The following TRPV3 variants were observed in gnomAD, a reference collection of about 807,000 sequenced individuals.
The protein encoded by TRPV3 is transient receptor potential cation channel subfamily V member 3.
In TRPV3, 88 loss-of-function variants were observed where a neutral mutation model predicts 87.1. The observed-to-expected ratio is 1.01, with a 90% confidence interval of 0.85 to 1.21. The LOEUF (loss-of-function observed/expected upper bound fraction) is 1.21. Among genes scored for constraint, TRPV3 ranks in the 50% most tolerant of loss-of-function variants. TRPV3 has a pLI of 0.00. For synonymous variants in TRPV3, 438 were observed against 423.3 expected (o/e 1.03, Z -0.43); for missense variants, 1,054 against 1,030.1 (o/e 1.02, Z -0.32).
At chr17:3,543,877 T>TATTAA (rs1310756101) in intron 4 of TRPV3, among the ~76,000 whole-genome samples, 2 of 152,376 alleles carry the variant, frequency 1.3e-5, no homozygotes, top group East Asian at 3.9e-4. Flanking sequence ...GATCTATGCC[T>TATTAA]ATTAAAGACA....
intron 13 of TRPV3, among the ~76,000 whole-genome samples, chr17:3,522,104 T>A (rs536035992): frequency 2.0e-5 from 3 of 152,124 alleles, no homozygotes; most frequent in Admixed American, 2.0e-4. Flanking sequence ...TTAATTTAAT[T>A]AAATAAAACA....
chr17:3,524,019 G>T (rs546998654), intron 13 of TRPV3, among the ~76,000 whole-genome samples, 179 bp downstream of exon 13: 5 of 152,166 alleles, frequency 3.3e-5, no homozygotes, highest in Non-Finnish European at 5.9e-5. Flanking sequence ...ACAAGCCTGG[G>T]GGATTTAAGG....
At chr17:3,522,638 G>A (rs553211954) in intron 13 of TRPV3, among the ~76,000 whole-genome samples, 1 of 149,652 alleles carries the variant, frequency 6.7e-6, no homozygotes, top group Non-Finnish European at 1.5e-5. Flanking sequence ...TGGCCAACAT[G>A]GCGAAACCCC....
At chr17:3,532,515 C>T in intron 8 of TRPV3, 142 bp downstream of exon 8, 1 of 1,102,488 alleles carries the variant, frequency 9.1e-7, no homozygotes, top group Non-Finnish European at 1.3e-6. Context: ...CACGCCACTG[C>T]AGTTCTGGAC....
rs1567642142 is a variant in TRPV3 at position 3,542,671 on chromosome 17, G to C, written c.494C>G (p.Ser165Cys). Residue 165 changes from serine to cysteine, a missense_variant, in exon 6 of 18, where the codon TCC becomes TGC. By Grantham distance (112) the Ser-to-Cys change is moderately radical. Transcript: ENST00000576742. ...PDFLMHKLTA[S>C]DTGKTCLMKA... ...CATCAGGCAGGTCTTCCCCGTGTCGGAGGCCGTCAGCTTGTGCATGAGGAA... is the reference window on the plus strand; with the variant it reads ...CATCAGGCAGGTCTTCCCCGTGTCGCAGGCCGTCAGCTTGTGCATGAGGAA... 1.2e-6 allele frequency: 2 copies of C among 1,613,988 alleles called. No individual in the cohort carries two copies. Among genetic ancestry groups the C allele is most frequent in the South Asian group, 1.1e-5 (1 of 91,070 alleles).
At chr17:3,548,870 G>A (rs2074547744) in intron 2 of TRPV3, among the ~76,000 whole-genome samples, 1 of 152,170 alleles carries the variant, frequency 6.6e-6, no homozygotes, top group African/African-American at 2.4e-5. Flanking sequence ...CACCTGAATG[G>A]ATGATGGTTG....
chr17:3,528,925 T>C lies in TRPV3; in HGVS notation c.1313A>G (p.Lys438Arg). 6.2e-7 allele frequency: 1 copy of C among 1,614,220 alleles called. No homozygotes were observed. The highest frequency in any genetic ancestry group is 2.2e-5 in the East Asian group (1 of 44,884). ...LLHMKWKKFA[K>R]HMFFLSFCFY... ...GCAGAAGGACAGAAAGAACATGTGCTTGGCAAACTTCTTCCACTTCATATG... is the reference window on the plus strand; with the variant it reads ...GCAGAAGGACAGAAAGAACATGTGCCTGGCAAACTTCTTCCACTTCATATG... Residue 438 changes from lysine (K) to arginine (R), a missense_variant, in exon 10 of 18, where the codon AAG becomes AGG. Transcript: ENST00000576742. This position sits in a 1 kb window ranked among gnomAD's most constrained non-coding sequence, Gnocchi z 4.2.
chr17:3,535,210 C>CCTCCTCCTTCT (rs2074391039), intron 7 of TRPV3, among the ~76,000 whole-genome samples: 1 of 122,762 alleles, frequency 8.1e-6, no homozygotes. Flanking sequence ...CCTCCTTCTC[C>CCTCCTCCTTCT]CTTCTGTCTC....
In TRPV3 at chr17:3,510,774, C is replaced by A. The variant is rs2074102524; in HGVS notation, c.*3143G>T. 6.6e-6 allele frequency: 1 copy of A among 152,178 alleles called. No individual in the cohort carries two copies. Among genetic ancestry groups the A allele is most frequent in the Admixed American group, 6.5e-5 (1 of 15,284 alleles). The allele number at this position is 152,178 out of a possible 1,614,324, so 9.4% of individuals were successfully genotyped here. A position where few individuals can be genotyped will look rare whatever the true frequency, so the allele number is the denominator to read the frequency against. On this transcript the variant is annotated 3_prime_UTR_variant, in exon 18 of 18. Transcript: ENST00000576742. ...CGGCTTACAGGCCCGGATGACGGCCCATCTACCTGGGCCCTGCCCAGAGCG... is the reference window on the plus strand; with the variant it reads ...CGGCTTACAGGCCCGGATGACGGCCAATCTACCTGGGCCCTGCCCAGAGCG...
chr17:3,545,347 C>G (rs1361801183), intron 2 of TRPV3, 76 bp from the exon 3 acceptor site: 1 of 1,143,942 alleles, frequency 8.7e-7, no homozygotes, highest in African/African-American at 1.5e-5. Flanking sequence ...CTCCTGGCCC[C>G]AGAGGGTGCC....
At chr17:3,525,064 G>A (rs1263199709) in intron 12 of TRPV3, among the ~76,000 whole-genome samples, 2 of 152,214 alleles carry the variant, frequency 1.3e-5, no homozygotes, top group Non-Finnish European at 2.9e-5. Flanking sequence ...CTGTCACCTA[G>A]GCTGGAGTAC....
chr17:3,528,449 G>A lies in TRPV3; in HGVS notation c.1402-323C>T, dbSNP rs1269309727. Among the ~76,000 whole-genome samples the A allele has an allele frequency of 2.0e-5, 3 of 152,148 alleles. No homozygotes were observed. Among genetic ancestry groups the A allele is most frequent in the Non-Finnish European group, 2.9e-5 (2 of 68,022 alleles). On this transcript the variant is annotated intron_variant, in intron 10 of 17. Coordinates refer to ENST00000576742, the MANE Select transcript of TRPV3 (RefSeq NM_145068.4). This position sits in a 1 kb window ranked among gnomAD's most constrained non-coding sequence, Gnocchi z 4.2. Reference sequence around the variant, plus strand: ...CCTCACAGCACCGTTAAATAAAGCCGAGGCTCTGTGCCCCACGTGACGCAT... The same window carrying A: ...CCTCACAGCACCGTTAAATAAAGCCAAGGCTCTGTGCCCCACGTGACGCAT...
chr17:3,530,278 C>T lies in TRPV3; in HGVS notation c.1066-75G>A. ...CCAACAGGGCTGGACCAGCCAGAGG[C>T]TGGCTGGGCCCAGGGGATACACCCG... On this transcript the variant is annotated intron_variant, in intron 8 of 17. Transcript: ENST00000576742. The surrounding 1 kb of genome is among the most constrained non-coding windows in gnomAD (Gnocchi z 4.0). 6.8e-7 allele frequency: 1 copy of T among 1,478,900 alleles called. No homozygotes were observed. Among genetic ancestry groups the T allele is most frequent in the Middle Eastern group, 1.8e-4 (1 of 5,550 alleles). 91.6% of individuals were successfully genotyped at this position (1,478,900 alleles called of 1,614,324 possible). A position where few individuals can be genotyped will look rare whatever the true frequency, so the allele number is the denominator to read the frequency against.
At chr17:3,554,891 G>C in intron 1 of TRPV3, 39 bp from the exon 2 acceptor site, 1 of 1,452,766 alleles carries the variant, frequency 6.9e-7, no homozygotes, top group Non-Finnish European at 9.5e-7. Context: ...AGGCCGGGGG[G>C]ACAGGGGGAG....
At position 3,544,631 on chromosome 17, in the gene TRPV3, G is replaced by C. The variant is rs145467220; in HGVS notation, c.259C>G (p.Gln87Glu). The change falls in exon 4 of 18, where the codon CAG (glutamine) becomes GAG (glutamate). Residue 87 changes from glutamine to glutamate, a missense_variant. Transcript: ENST00000576742. The part of the protein sequence containing the change: ...SGNCDDMDSP[Q>E]SPQDDVTETP... ...TCTGTCACATCATCCTGAGGAGACT[G>C]GGGGGAGTCCATGTCATCACAGTTA... 12 of 1,606,936 alleles carry C rather than the reference G, an allele frequency of 7.5e-6. No homozygotes were observed. Among genetic ancestry groups the C allele is most frequent in the South Asian group, 1.1e-5 (1 of 90,458 alleles).
Position 3,530,321 on chromosome 17 carries a change from C to A in TRPV3, c.1066-118G>T. On this transcript the variant is annotated intron_variant, in intron 8 of 17. Transcript: ENST00000576742. The surrounding 1 kb of genome is among the most constrained non-coding windows in gnomAD (Gnocchi z 4.0). ...TACACCCGCCCAGAATGGGTGGAGA[C>A]CTGCCTCTGCGCCTGGCGCCATGGC... 1.0e-6 allele frequency: 1 copy of A among 996,418 alleles called. No homozygotes were observed. Among genetic ancestry groups the A allele is most frequent in the Non-Finnish European group, 1.4e-6 (1 of 693,306 alleles). 61.7% of individuals were successfully genotyped at this position (996,418 alleles called of 1,614,324 possible).
chr17:3,542,479 C>T (rs2150800639), intron 6 of TRPV3, 43 bp downstream of exon 6: 2 of 1,590,054 alleles, frequency 1.3e-6, no homozygotes, highest in Middle Eastern at 1.7e-4. Flanking sequence ...ATACCCCACC[C>T]TCAGAGACTC....
chr17:3,532,905 T>C lies in TRPV3; in HGVS notation c.817A>G (p.Asn273Asp). 1 of 1,614,146 alleles carries C rather than the reference T, an allele frequency of 6.2e-7. No individual in the cohort carries two copies. Among genetic ancestry groups the C allele is most frequent in the South Asian group, 1.1e-5 (1 of 91,080 alleles). The change falls in exon 8 of 18, where the codon AAC (asparagine) becomes GAC (aspartate). Residue 273 changes from asparagine (N) to aspartate (D), a missense_variant. Transcript: ENST00000576742. The stretch of plus-strand genomic sequence containing the variant: ...AGCAGCTGCACAATCTCGGGCTGGT[T>C]GGTGCATGCTGCCAGGGCCAGGGGC... ...ETPLALAACTNQPEIVQLLME... is the reference protein window; with the variant it reads ...ETPLALAACTDQPEIVQLLME...
chr17:3,535,614 G>GC lies in TRPV3; in HGVS notation c.742dup (p.Ala248GlyfsTer16). The GC allele has an allele frequency of 6.2e-7, 1 of 1,609,450 alleles. No individual in the cohort carries two copies. Among genetic ancestry groups the GC allele is most frequent in the Non-Finnish European group, 8.5e-7 (1 of 1,178,650 alleles). On this transcript the variant is annotated frameshift_variant, in exon 7 of 18. Coordinates refer to ENST00000576742, the MANE Select transcript of TRPV3 (RefSeq NM_145068.4). LOFTEE classifies it high-confidence loss of function. The stretch of plus-strand genomic sequence containing the variant: ...GTGTTGGTACTTGGGGTTGAAGAAG[G>GC]CCCCCTTGGCGTGCGCGTTGACGTC...
Sources: gnomAD v4.1 joint callset for allele counts (sites outside exome capture counted in the v4.1 genomes callset) on GRCh38, gnomAD v4.1.1 for gene constraint, Gnocchi (gnomAD v3.1) non-coding constraint, MANE v1.5 for transcripts, NCBI Gene and HGNC (gene_info 2026-07-23, HGNC 2026-07-21) for gene names.